The following NOTCH2 variants were observed in gnomAD, a reference collection of about 807,000 sequenced individuals.
NOTCH2 encodes neurogenic locus notch homolog protein 2.
NOTCH2 carries 29 observed loss-of-function variants against 235.8 expected under a neutral mutation model. The ratio of observed to expected loss-of-function variants is 0.12; its 90% CI spans 0.09 to 0.17. The LOEUF (loss-of-function observed/expected upper bound fraction) is 0.17, where lower values mean the gene tolerates loss of function less well. Among genes scored for constraint, NOTCH2 ranks in the 10% least tolerant of loss-of-function variants. The pLI, the probability that NOTCH2 is intolerant of heterozygous loss-of-function variation, is 1.00. For missense variants in NOTCH2, 2,285 were observed against 3,150.2 expected, an observed-to-expected ratio of 0.73 and a Z score of 6.57; for synonymous variants, 1,086 against 1,141.5, an observed-to-expected ratio of 0.95 and a Z score of 0.98.
chr1:119,950,569 G>A (rs1328608252), intron 15 of NOTCH2, 155 bp downstream of exon 15: 1 of 713,238 alleles, frequency 1.4e-6, no homozygotes. Flanking sequence ...TTTCCTCAAA[G>A]CTCAAGATCC....
chr1:120,069,225 C>T (rs1553217828), intron 1 of NOTCH2, 109 bp downstream of exon 1: 4 of 1,526,950 alleles, frequency 2.6e-6, no homozygotes, highest in Non-Finnish European at 3.5e-6. Context: ...CGCTCCGCGC[C>T]GGCGGCCGAG....
chr1:119,938,123 A>G, intron 19 of NOTCH2, 113 bp from the exon 20 acceptor site: 1 of 1,209,860 alleles, frequency 8.3e-7, no homozygotes, highest in Non-Finnish European at 1.2e-6. Flanking sequence ...TAAAAAGAAA[A>G]AGAGCCTTCA....
intron 13 of NOTCH2, among the ~76,000 whole-genome samples, chr1:119,954,501 G>A (rs1438580470): frequency 1.3e-5 from 2 of 152,190 alleles, no homozygotes; most frequent in African/African-American, 2.4e-5. Flanking sequence ...GTATAAGAGC[G>A]TCTCGTGAGA....
intron 32 of NOTCH2, among the ~76,000 whole-genome samples, chr1:119,918,050 C>CTA (rs1409070473): frequency 6.6e-6 from 1 of 152,130 alleles, no homozygotes; most frequent in African/African-American, 2.4e-5. Context: ...AGATAAAAAC[C>CTA]TATATATTAC....
At chr1:119,951,835 A>G (rs1553197854) in intron 14 of NOTCH2, among the ~76,000 whole-genome samples, 1 of 152,200 alleles carries the variant, frequency 6.6e-6, no homozygotes, top group Non-Finnish European at 1.5e-5. Flanking sequence ...TCTGCTGCCC[A>G]CTGGGCATAT....
At chr1:119,970,098 A>G (rs1490939724) in intron 5 of NOTCH2, among the ~76,000 whole-genome samples, 1 of 152,170 alleles carries the variant, frequency 6.6e-6, no homozygotes. Flanking sequence ...TATAAAAATG[A>G]GTAAGAAAAA....
At position 119,918,505 on chromosome 1, in the gene NOTCH2, C is replaced by T. The variant is rs2101148170; in HGVS notation, c.5830G>A (p.Gly1944Ser). ...GCAGCCAGGATCAGGGGTGTAGTAC[C>T]ATCATTCATCCTGGCATCTAGATCA... ...VTDLDARMND[G>S]TTPLILAARL... Residue 1944 changes from glycine (G) to serine (S), a missense_variant, in exon 32 of 34, where the codon GGT becomes AGT. Gly to Ser is a moderately conservative substitution (Grantham distance 56, BLOSUM62 0). This residue lies in a region of NOTCH2 where 128 missense variants were observed against 255.9 expected (regional missense o/e 0.50). Coordinates refer to ENST00000256646, the MANE Select transcript of NOTCH2 (RefSeq NM_024408.4). The T allele has an allele frequency of 6.2e-7, 1 of 1,614,114 alleles. No individual in the cohort carries two copies.
intron 17 of NOTCH2, among the ~76,000 whole-genome samples, chr1:119,944,125 G>A (rs1027821044): frequency 5.9e-5 from 9 of 151,916 alleles, no homozygotes; most frequent in Non-Finnish European, 8.8e-5. Flanking sequence ...AAAGGGAGAC[G>A]CAAAAACTTT....
In NOTCH2 at chr1:119,953,663, A is replaced by G; in HGVS notation, c.2245T>C (p.Trp749Arg). The G allele has an allele frequency of 6.2e-7, 1 of 1,614,174 alleles. No individual in the cohort carries two copies. The highest frequency in any genetic ancestry group is 8.5e-7 in the Non-Finnish European group (1 of 1,179,988). The change falls in exon 14 of 34, where the codon TGG (tryptophan) becomes CGG (arginine). Residue 749 changes from tryptophan (W) to arginine (R), a missense_variant. This residue lies in a region of NOTCH2 where 1,173 missense variants were observed against 1,515.3 expected (regional missense o/e 0.77). Transcript: ENST00000256646. ...TCCACTTCACAGTTGATGCCAACCC[A>G]GCCTGCATCACAGAGACACTTATAT... is the stretch of plus-strand genomic sequence containing the variant. Reference protein sequence around the residue: ...SGYKCLCDAGWVGINCEVDKN... With the variant: ...SGYKCLCDAGRVGINCEVDKN...
At chr1:119,963,465 G>C in intron 11 of NOTCH2, 109 bp downstream of exon 11, 1 of 1,021,534 alleles carries the variant, frequency 9.8e-7, no homozygotes, top group Non-Finnish European at 1.6e-6. Flanking sequence ...CTCAGAATCA[G>C]GACTGTTTTT....
chr1:119,996,720 C>A (rs782804077), intron 4 of NOTCH2: 29 of 1,183,260 alleles, frequency 2.5e-5, no homozygotes, highest in Non-Finnish European at 3.6e-5. Flanking sequence ...TTTCCCAGAG[C>A]TCTGTTCCTC....
At chr1:119,966,234 T>C (rs1163809812) in intron 9 of NOTCH2, 142 bp downstream of exon 9, 21 of 717,786 alleles carry the variant, frequency 2.9e-5, no homozygotes, top group Non-Finnish European at 3.3e-5. Flanking sequence ...TCTATTTCTG[T>C]ACACACACAC....
At chr1:120,069,203 A>G (rs1255735664) in intron 1 of NOTCH2, 131 bp downstream of exon 1, 4 of 1,527,558 alleles carry the variant, frequency 2.6e-6, no homozygotes, top group East Asian at 4.9e-5. Flanking sequence ...TTGGGAACCC[A>G]GCGAGTGGCC....
chr1:119,962,594 G>A (rs1202828957), intron 11 of NOTCH2, among the ~76,000 whole-genome samples: 2 of 152,194 alleles, frequency 1.3e-5, no homozygotes, highest in African/African-American at 4.8e-5. Context: ...CAAATTTGAA[G>A]AAATGGATTT....
At chr1:119,963,882 A>T (rs1318614530) in intron 10 of NOTCH2, 75 bp from the exon 11 acceptor site, 3 of 1,254,038 alleles carry the variant, frequency 2.4e-6, no homozygotes, top group Non-Finnish European at 3.5e-6. Context: ...GTGTAGCTAC[A>T]TCCATTTACT....
At chr1:120,035,481 T>C (rs1654275659) in intron 1 of NOTCH2, among the ~76,000 whole-genome samples, 1 of 152,144 alleles carries the variant, frequency 6.6e-6, no homozygotes, top group Non-Finnish European at 1.5e-5. Flanking sequence ...GCCCAGTTTA[T>C]GCCCTCTTTA....
At chr1:119,950,453 G>A (rs1553197587) in intron 15 of NOTCH2, 2 of 592,692 alleles carry the variant, frequency 3.4e-6, no homozygotes, top group East Asian at 3.6e-5. Flanking sequence ...CATCATCTAT[G>A]TGCCTGGTTC....
chr1:119,948,938 C>T (rs1185857391), intron 16 of NOTCH2, 69 bp downstream of exon 16: 3 of 1,603,412 alleles, frequency 1.9e-6, no homozygotes, highest in Non-Finnish European at 2.6e-6. Flanking sequence ...TCCATATGAT[C>T]TGATAACCTG....
intron 1 of NOTCH2, among the ~76,000 whole-genome samples, chr1:120,034,335 C>CAAAA (rs558577685): frequency 5.4e-5 from 3 of 55,770 alleles, no homozygotes; most frequent in African/African-American, 4.4e-4. Context: ...TCTACTCCAC[C>CAAAA]AAAAAAAAAA....
Sources: gnomAD v4.1 joint callset for allele counts (sites outside exome capture counted in the v4.1 genomes callset) on GRCh38, gnomAD v4.1.1 for gene constraint, gnomAD v4.1.1 regional missense constraint, MANE v1.5 for transcripts, NCBI Gene and HGNC (gene_info 2026-07-23, HGNC 2026-07-21) for gene names.